The following GNAQ variants were observed in gnomAD, a reference collection of about 807,000 sequenced individuals.
GNAQ encodes the protein guanine nucleotide-binding protein G(q) subunit alpha.
Under a neutral mutation model 43.9 loss-of-function variants are expected in GNAQ, and 8 were observed. That is an observed-to-expected ratio of 0.18 (90% CI 0.11 to 0.33). The LOEUF (loss-of-function observed/expected upper bound fraction) is 0.33. Ranked by LOEUF, GNAQ falls within the 10% of genes least tolerant of loss-of-function variation. The pLI, the probability that GNAQ is intolerant of heterozygous loss-of-function variation, is 1.00. For synonymous variants in GNAQ, 155 were observed against 170.7 expected (o/e 0.91, Z 0.71); for missense variants, 158 against 450.8 (o/e 0.35, Z 5.88).
chr9:77,946,265 A>G (rs1822892689), intron 1 of GNAQ, among the ~76,000 whole-genome samples: 1 of 152,204 alleles, frequency 6.6e-6, no homozygotes, highest in African/African-American at 2.4e-5. Flanking sequence ...CTTGGTGAGT[A>G]AAATATCCTT....
rs962996113 is a variant in GNAQ, at chr9:78,031,724, G to A, written c.-489C>T. On this transcript the variant is annotated 5_prime_UTR_variant, in exon 1 of 7. Transcript: ENST00000286548. ...CCCGGCGCGCCCGCTCCTCGCCGCC[G>A]CCTGACACGGCTCCCGGGCGCCCTC... Among the ~76,000 whole-genome samples, 2 of 147,436 alleles carry A rather than the reference G, an allele frequency of 1.4e-5. No homozygotes were observed. Among genetic ancestry groups the A allele is most frequent in the African/African-American group, 2.4e-5 (1 of 40,856 alleles).
chr9:77,731,896 C>T (rs1314943519), intron 5 of GNAQ, among the ~76,000 whole-genome samples: 1 of 152,096 alleles, frequency 6.6e-6, no homozygotes, highest in Non-Finnish European at 1.5e-5. Context: ...TTTTTTCCCC[C>T]CAATTAAGAT....
intron 2 of GNAQ, among the ~76,000 whole-genome samples, chr9:77,905,016 A>T (rs947832553): frequency 6.6e-6 from 1 of 152,180 alleles, no homozygotes; most frequent in African/African-American, 2.4e-5. Flanking sequence ...CTCCCTCCCA[A>T]AATGACTTTT....
At chr9:77,961,611 G>A (rs544498911) in intron 1 of GNAQ, among the ~76,000 whole-genome samples, 4 of 152,158 alleles carry the variant, frequency 2.6e-5, no homozygotes, top group Non-Finnish European at 5.9e-5. Context: ...GGGTATCAAC[G>A]TAATAGTGAA....
chr9:78,030,887 C>CTGTGTGTGTGTGTGTGTGTGTG (rs35071779), intron 1 of GNAQ, among the ~76,000 whole-genome samples: 1 of 146,078 alleles, frequency 6.8e-6, no homozygotes, highest in African/African-American at 2.6e-5. Context: ...GTGTGTGTCG[C>CTGTGTGTGTGTGTGTGTGTGTG]TGTGTGTGTG....
At chr9:77,861,718 T>C (rs1051253130) in intron 2 of GNAQ, among the ~76,000 whole-genome samples, 1 of 152,088 alleles carries the variant, frequency 6.6e-6, no homozygotes, top group African/African-American at 2.4e-5. Context: ...GCGTGATGCA[T>C]GAGGTCAGGC....
chr9:77,816,993 G>C (rs138603034), intron 2 of GNAQ, among the ~76,000 whole-genome samples: 8 of 152,040 alleles, frequency 5.3e-5, no homozygotes, highest in African/African-American at 1.4e-4. Flanking sequence ...TGTGACAATC[G>C]GATCTAGTAA....
At chr9:77,970,295 G>A (rs938185608) in intron 1 of GNAQ, among the ~76,000 whole-genome samples, 8 of 151,650 alleles carry the variant, frequency 5.3e-5, no homozygotes, top group Admixed American at 1.3e-4. Context: ...ACTCTGCCCC[G>A]TGCTCCTGCT....
intron 1 of GNAQ, among the ~76,000 whole-genome samples, chr9:78,004,429 C>T (rs1823681234): frequency 1.3e-5 from 2 of 152,102 alleles, no homozygotes; most frequent in Admixed American, 6.6e-5. Flanking sequence ...GAAATTCAGA[C>T]TCTCAGGTCT....
intron 1 of GNAQ, among the ~76,000 whole-genome samples, chr9:78,005,485 C>T (rs776561930): frequency 6.6e-6 from 1 of 152,032 alleles, no homozygotes; most frequent in Non-Finnish European, 1.5e-5. Flanking sequence ...GAAGGAGGCC[C>T]AATACTAACC....
At chr9:78,022,732 G>C (rs979832041) in intron 1 of GNAQ, among the ~76,000 whole-genome samples, 6 of 152,162 alleles carry the variant, frequency 3.9e-5, no homozygotes, top group Non-Finnish European at 8.8e-5. Flanking sequence ...CATCTCTCTA[G>C]GACAAGAGGA....
intron 1 of GNAQ, among the ~76,000 whole-genome samples, chr9:77,925,345 C>A (rs992569560): frequency 2.0e-5 from 3 of 152,208 alleles, no homozygotes; most frequent in Non-Finnish European, 2.9e-5. Context: ...TATTCAGTAA[C>A]TCATTCTCAT....
At chr9:77,846,629 TATTTTCTCCTTTATGTGAGGAGAAA>T (rs1460835251) in intron 2 of GNAQ, among the ~76,000 whole-genome samples, 2 of 152,296 alleles carry the variant, frequency 1.3e-5, no homozygotes, top group Admixed American at 6.5e-5. Context: ...TTTATCATCT[TATTTTCTCCTTTATGTGAGGAGAAA>T]ATGCAGCAGA....
At chr9:77,997,224 T>C (rs934457749) in intron 1 of GNAQ, among the ~76,000 whole-genome samples, 3 of 152,236 alleles carry the variant, frequency 2.0e-5, no homozygotes, top group African/African-American at 7.2e-5. Flanking sequence ...ATTTTAACAG[T>C]AACATGGAGG....
At chr9:77,943,738 A>T (rs1055666111) in intron 1 of GNAQ, among the ~76,000 whole-genome samples, 7 of 141,774 alleles carry the variant, frequency 4.9e-5, no homozygotes, top group African/African-American at 1.9e-4. Context: ...ATCTTGGCTC[A>T]CTGCAACCTC....
chr9:77,789,760 A>C (rs1478427349), intron 5 of GNAQ, among the ~76,000 whole-genome samples: 2 of 152,204 alleles, frequency 1.3e-5, no homozygotes, highest in Non-Finnish European at 1.5e-5. Context: ...TACTGTATAA[A>C]TTCAATGTAA....
At chr9:77,910,769 G>A (rs1246144530) in intron 2 of GNAQ, among the ~76,000 whole-genome samples, 18 of 152,134 alleles carry the variant, frequency 1.2e-4, no homozygotes, top group Admixed American at 1.2e-3. Context: ...TCCAGACTAT[G>A]TAATTCTCAA....
chr9:77,834,642 A>T (rs1451271054), intron 2 of GNAQ, among the ~76,000 whole-genome samples: 1 of 152,198 alleles, frequency 6.6e-6, no homozygotes, highest in Non-Finnish European at 1.5e-5. Flanking sequence ...GTTGTTTAAA[A>T]TGTCCTGAAA....
chr9:77,864,648 G>C (rs535097094), intron 2 of GNAQ, among the ~76,000 whole-genome samples: 15 of 152,240 alleles, frequency 9.9e-5, no homozygotes, highest in Admixed American at 9.2e-4. Context: ...CACTCCCCTA[G>C]AGCCTCCAAG....
Sources: allele counts gnomAD v4.1 joint callset (sites outside exome capture counted in the v4.1 genomes callset), GRCh38; gene constraint gnomAD v4.1.1; transcripts MANE v1.5; gene names NCBI Gene and HGNC (gene_info 2026-07-23, HGNC 2026-07-21).